Variants in RGL1 observed in about 807,000 individuals in gnomAD.
The protein encoded by RGL1 is ral guanine nucleotide dissociation stimulator-like 1.
In RGL1, 24 loss-of-function variants were observed where a neutral mutation model predicts 95.2. The observed-to-expected ratio is 0.25, with a 90% CI of 0.18 to 0.35. The LOEUF is 0.35. Among genes scored for constraint, RGL1 ranks in the 10% least tolerant of loss-of-function variants. The pLI is 1.00. For missense variants in RGL1, 715 were observed against 936.3 expected (o/e 0.76, Z 3.08); for synonymous variants, 329 against 344.9 (o/e 0.95, Z 0.51).
intron 2 of RGL1, among the ~76,000 whole-genome samples, chr1:183,788,268 G>A (rs1660276125): frequency 6.6e-6 from 1 of 152,188 alleles, no homozygotes; most frequent in Admixed American, 6.5e-5. Flanking sequence ...TGAATCAGGA[G>A]AGCCAATGAT....
intron 1 of RGL1, among the ~76,000 whole-genome samples, chr1:183,663,315 T>C (rs1432256686): frequency 6.6e-6 from 1 of 151,170 alleles, no homozygotes; most frequent in Non-Finnish European, 1.5e-5. Flanking sequence ...CCTACTCATC[T>C]GACAAAGGGC....
At chr1:183,742,108 CTTTA>C in intron 1 of RGL1, 1 of 1,604,622 alleles carries the variant, frequency 6.2e-7, no homozygotes, top group African/African-American at 1.3e-5. Flanking sequence ...CTGGATCACA[CTTTA>C]TTCTTCCACA....
intron 2 of RGL1, among the ~76,000 whole-genome samples, chr1:183,742,852 A>G (rs1657396937): frequency 6.6e-6 from 1 of 152,174 alleles, no homozygotes; most frequent in Admixed American, 6.6e-5. Flanking sequence ...TATTGGCAAG[A>G]TATTGAAAAC....
At chr1:183,640,852 C>CTG (rs1471677516) in intron 1 of RGL1, among the ~76,000 whole-genome samples, 188 of 152,126 alleles carry the variant, frequency 1.2e-3, no homozygotes, top group African/African-American at 4.4e-3. Flanking sequence ...CTGCTTTGTT[C>CTG]CTATTTCAAT....
chr1:183,802,621 A>AAG (rs71130641), upstream of RGL1, among the ~76,000 whole-genome samples: 5 of 143,488 alleles, frequency 3.5e-5, no homozygotes, highest in African/African-American at 8.0e-5. Flanking sequence ...AAAAAAAAAA[A>AAG]CCCTTATAAA....
At chr1:183,793,687 A>T (rs1422597784) in intron 2 of RGL1, among the ~76,000 whole-genome samples, 1 of 152,166 alleles carries the variant, frequency 6.6e-6, no homozygotes, top group South Asian at 2.1e-4. Context: ...AATGCTCAAC[A>T]TCACTAATCA....
intron 1 of RGL1, among the ~76,000 whole-genome samples, chr1:183,658,470 T>G (rs1402543721): frequency 6.6e-6 from 1 of 152,052 alleles, no homozygotes; most frequent in Non-Finnish European, 1.5e-5. Context: ...CACAGCAGTC[T>G]GAGATCAAAC....
intron 2 of RGL1, among the ~76,000 whole-genome samples, chr1:183,800,078 G>T (rs1660908646): frequency 6.6e-6 from 1 of 152,122 alleles, no homozygotes. Flanking sequence ...AAGTCATCCA[G>T]AGCTGGAATT....
intron 2 of RGL1, among the ~76,000 whole-genome samples, chr1:183,757,318 C>T (rs184555129): frequency 6.6e-6 from 1 of 152,228 alleles, no homozygotes; most frequent in East Asian, 1.9e-4. Flanking sequence ...TCATACACAT[C>T]TGAGAGACAG....
At chr1:183,787,001 T>C (rs896300820) in intron 2 of RGL1, among the ~76,000 whole-genome samples, 6 of 152,204 alleles carry the variant, frequency 3.9e-5, no homozygotes, top group African/African-American at 1.4e-4. Context: ...AGTGATTAAA[T>C]TGTACATAAT....
At chr1:183,886,858 T>G (rs916425203) in intron 7 of RGL1, among the ~76,000 whole-genome samples, 2 of 152,130 alleles carry the variant, frequency 1.3e-5, no homozygotes, top group Non-Finnish European at 2.9e-5. Context: ...TTTCTTGGAC[T>G]GCCCTTAATG....
At chr1:183,827,228 C>T (rs1430360094) in intron 2 of RGL1, among the ~76,000 whole-genome samples, 2 of 152,142 alleles carry the variant, frequency 1.3e-5, no homozygotes, top group Non-Finnish European at 2.9e-5. Flanking sequence ...CGGCCGTGTG[C>T]CAGTTTCTTA....
intron 2 of RGL1, among the ~76,000 whole-genome samples, chr1:183,743,095 TG>T (rs1378003077): frequency 6.6e-6 from 1 of 152,194 alleles, no homozygotes. Context: ...TACTGCTGCC[TG>T]GAACTCCTGG....
intron 1 of RGL1, among the ~76,000 whole-genome samples, chr1:183,691,078 T>A (rs1653920520): frequency 6.6e-6 from 1 of 152,228 alleles, no homozygotes; most frequent in South Asian, 2.1e-4. Flanking sequence ...AAATAAAAAT[T>A]GTTAGTGCTT....
intron 1 of RGL1, among the ~76,000 whole-genome samples, chr1:183,735,709 A>G (rs1016348854): frequency 2.0e-5 from 3 of 152,230 alleles, no homozygotes; most frequent in Admixed American, 1.3e-4. Context: ...TATTACTACG[A>G]AATTATCTAA....
At chr1:183,668,523 G>T (rs980942129) in intron 1 of RGL1, among the ~76,000 whole-genome samples, 3 of 151,736 alleles carry the variant, frequency 2.0e-5, no homozygotes, top group African/African-American at 2.4e-5. Context: ...GGCTTGTCTG[G>T]AACTCCTGGC....
At chr1:183,777,118 A>G (rs1659645370) in intron 2 of RGL1, among the ~76,000 whole-genome samples, 1 of 152,248 alleles carries the variant, frequency 6.6e-6, no homozygotes, top group South Asian at 2.1e-4. Flanking sequence ...CCATCAGCAG[A>G]AGATATTAGC....
At chr1:183,772,735 C>T (rs1463189871) in intron 2 of RGL1, among the ~76,000 whole-genome samples, 2 of 152,018 alleles carry the variant, frequency 1.3e-5, no homozygotes, top group African/African-American at 4.8e-5. Context: ...CTGGGCCGGG[C>T]GCGGTGGCTC....
At chr1:183,905,167 TGCTTG>T (rs1668247750) in intron 13 of RGL1, among the ~76,000 whole-genome samples, 196 bp downstream of exon 13, 1 of 152,230 alleles carries the variant, frequency 6.6e-6, no homozygotes, top group Admixed American at 6.5e-5. Context: ...TTCAGACTCT[TGCTTG>T]GCCACTTATT....
Sources: gnomAD v4.1 joint callset for allele counts (sites outside exome capture counted in the v4.1 genomes callset) on GRCh38, gnomAD v4.1.1 for gene constraint, MANE v1.5 for transcripts, NCBI Gene and HGNC (gene_info 2026-07-23, HGNC 2026-07-21) for gene names.